Variants in IQCM observed in about 807,000 individuals in gnomAD.
The protein encoded by IQCM is IQ domain-containing protein M.
IQCM carries 45 observed loss-of-function variants against 57.6 expected under a neutral mutation model. The ratio of observed to expected loss-of-function variants is 0.78; its 90% CI spans 0.62 to 1.00. The LOEUF is 1.00. Among genes scored for constraint, IQCM ranks in the 50% least tolerant of loss-of-function variants. The pLI, the probability that IQCM is intolerant of heterozygous loss-of-function variation, is 0.00. For synonymous variants in IQCM, 148 were observed against 158.9 expected, an observed-to-expected ratio of 0.93 and a Z score of 0.51; for missense variants, 468 against 511.6, an observed-to-expected ratio of 0.91 and a Z score of 0.82.
At chr4:149,486,741 G>A (rs150216221) in intron 12 of IQCM, among the ~76,000 whole-genome samples, 1,581 of 152,148 alleles carry the variant, frequency 0.01, 31 homozygotes, top group African/African-American at 0.036. Flanking sequence ...GTAAGACTCC[G>A]TCTCCAAAAA....
chr4:149,390,197 A>G (rs1248268750), intron 13 of IQCM, among the ~76,000 whole-genome samples: 1 of 152,026 alleles, frequency 6.6e-6, no homozygotes, highest in East Asian at 1.9e-4. Context: ...TATTCTTTTA[A>G]AAACATTCAT....
chr4:149,523,559 T>A (rs1455632127), intron 12 of IQCM, among the ~76,000 whole-genome samples: 1 of 151,864 alleles, frequency 6.6e-6, no homozygotes, highest in Non-Finnish European at 1.5e-5. Flanking sequence ...AGCATGATGA[T>A]CAACAAAAAA....
chr4:149,571,752 A>C (rs574206026), intron 9 of IQCM, among the ~76,000 whole-genome samples: 1 of 152,258 alleles, frequency 6.6e-6, no homozygotes, highest in Non-Finnish European at 1.5e-5. Context: ...CAATAAATAC[A>C]TACAATTTTG....
intron 8 of IQCM, among the ~76,000 whole-genome samples, chr4:149,591,141 T>G (rs188407433): frequency 2.0e-5 from 3 of 152,198 alleles, no homozygotes; most frequent in African/African-American, 7.2e-5. Context: ...AATCCCACAG[T>G]TTAACTGGTA....
In IQCM at chr4:149,404,515, G is replaced by A. The variant is rs572042800; in HGVS notation, c.1390+28881C>T. Among the ~76,000 whole-genome samples the A allele has an allele frequency of 3.7e-4, 57 of 152,156 alleles. 1 individual carries two copies. The South Asian group carries it at 0.011, about 30-fold the overall frequency. ...AAAACTTTGCAATACACAAGAGGTGGAGATATTATGAAAAGTTTCAATACA... is the reference window on the plus strand; with the variant it reads ...AAAACTTTGCAATACACAAGAGGTGAAGATATTATGAAAAGTTTCAATACA... On this transcript the variant is annotated intron_variant, in intron 13 of 13. Transcript: ENST00000636793.
At chr4:149,593,269 G>T (rs956166809) in intron 8 of IQCM, among the ~76,000 whole-genome samples, 61 of 152,072 alleles carry the variant, frequency 4.0e-4, no homozygotes, top group Non-Finnish European at 6.2e-4. Flanking sequence ...TCTGTTATTG[G>T]TGTATAGGAA....
intron 13 of IQCM, among the ~76,000 whole-genome samples, chr4:149,386,388 T>C (rs1200037823): frequency 6.6e-6 from 1 of 152,080 alleles, no homozygotes; most frequent in African/African-American, 2.4e-5. Flanking sequence ...ATTACATAGA[T>C]CAGTTATCAA....
intron 7 of IQCM, among the ~76,000 whole-genome samples, chr4:149,640,311 TAG>T (rs1317802960): frequency 6.6e-6 from 1 of 152,214 alleles, no homozygotes; most frequent in Non-Finnish European, 1.5e-5. Context: ...TATACTCTAT[TAG>T]TTACTTTAAA....
intron 12 of IQCM, among the ~76,000 whole-genome samples, chr4:149,459,327 G>C (rs113300833): frequency 6.6e-6 from 1 of 152,212 alleles, no homozygotes; most frequent in African/African-American, 2.4e-5. Flanking sequence ...GCACTTGGCA[G>C]GTAATCACTA....
chr4:149,430,977 G>C (rs1377384802), intron 13 of IQCM, among the ~76,000 whole-genome samples: 1 of 151,960 alleles, frequency 6.6e-6, no homozygotes, highest in Non-Finnish European at 1.5e-5. Flanking sequence ...AGGACGGGCA[G>C]ATCACTTGAG....
chr4:149,646,910 G>A (rs1758686394), intron 7 of IQCM, among the ~76,000 whole-genome samples: 2 of 152,164 alleles, frequency 1.3e-5, no homozygotes, highest in African/African-American at 2.4e-5. Flanking sequence ...GTTGAACCTA[G>A]GGGGTAGAGG....
intron 8 of IQCM, among the ~76,000 whole-genome samples, chr4:149,602,247 T>A (rs1169537564): frequency 6.6e-6 from 1 of 152,118 alleles, no homozygotes; most frequent in African/African-American, 2.4e-5. Flanking sequence ...TATGCCACTT[T>A]ACATAAGGAA....
chr4:149,605,502 C>G (rs1473153014), intron 8 of IQCM, among the ~76,000 whole-genome samples: 1 of 152,214 alleles, frequency 6.6e-6, no homozygotes, highest in South Asian at 2.1e-4. Flanking sequence ...GATCTATTTA[C>G]TGCTAAATAA....
intron 12 of IQCM, among the ~76,000 whole-genome samples, chr4:149,449,350 G>GTATATATTATATACATTATAT (rs1736845982): frequency 6.9e-6 from 1 of 144,554 alleles, no homozygotes; most frequent in Non-Finnish European, 1.5e-5. Context: ...TATATTATAT[G>GTATATATTATATACATTATAT]TATATATTAT....
At chr4:149,603,624 G>A (rs1754509467) in intron 8 of IQCM, among the ~76,000 whole-genome samples, 1 of 151,926 alleles carries the variant, frequency 6.6e-6, no homozygotes, top group Non-Finnish European at 1.5e-5. Context: ...CTTCTAATGA[G>A]TGTTAGAGGG....
chr4:149,470,596 T>C (rs957936393), intron 12 of IQCM, among the ~76,000 whole-genome samples: 4 of 152,126 alleles, frequency 2.6e-5, no homozygotes, highest in Non-Finnish European at 4.4e-5. Context: ...TATCCAGGAA[T>C]TGAACTCAGC....
At chr4:149,502,022 C>T (rs1008108776) in intron 12 of IQCM, among the ~76,000 whole-genome samples, 2 of 152,078 alleles carry the variant, frequency 1.3e-5, no homozygotes, top group African/African-American at 4.8e-5. Flanking sequence ...GGCTCATACA[C>T]CACTGGTTAT....
intron 13 of IQCM, among the ~76,000 whole-genome samples, chr4:149,366,912 G>T (rs1729883293): frequency 6.6e-6 from 1 of 151,950 alleles, no homozygotes; most frequent in African/African-American, 2.4e-5. Context: ...TGCATATTTT[G>T]TCAATTGCAA....
intron 12 of IQCM, among the ~76,000 whole-genome samples, chr4:149,459,290 C>T (rs1178009417): frequency 6.6e-6 from 1 of 152,202 alleles, no homozygotes. Context: ...GTCTCTCAGC[C>T]ATTCACTTCT....
Sources: allele counts gnomAD v4.1 joint callset (sites outside exome capture counted in the v4.1 genomes callset), GRCh38; gene constraint gnomAD v4.1.1; transcripts MANE v1.5; gene names NCBI Gene and HGNC (gene_info 2026-07-23, HGNC 2026-07-21).